Variants in SPON2 observed in about 807,000 individuals in gnomAD.
SPON2 encodes spondin-2.
SPON2 carries 32 observed loss-of-function variants against 29.9 expected under a neutral mutation model. That is an observed-to-expected ratio of 1.07 (90% confidence interval 0.81 to 1.44). The LOEUF is 1.44. SPON2 is among the 40% of genes most tolerant of loss of function. The probability of loss-of-function intolerance (pLI) is 0.00; values close to 1 mark genes in which losing one functional copy is unlikely to be tolerated. For synonymous variants in SPON2, 248 were observed against 209.1 expected, an observed-to-expected ratio of 1.19 and a Z score of -1.61; for missense variants, 541 against 455.5, an observed-to-expected ratio of 1.19 and a Z score of -1.71.
At chr4:1,193,592 C>T (rs770572315) in intron 1 of SPON2, among the ~76,000 whole-genome samples, 3 of 115,064 alleles carry the variant, frequency 2.6e-5, no homozygotes, top group Non-Finnish European at 5.3e-5. Flanking sequence ...GACCATGGGA[C>T]AAGAACGTGG....
chr4:1,204,703 G>C (rs1490365223), intron 1 of SPON2, among the ~76,000 whole-genome samples: 1 of 152,110 alleles, frequency 6.6e-6, no homozygotes, highest in Non-Finnish European at 1.5e-5. Flanking sequence ...TGTTTTAATT[G>C]GCCCCGCTGT....
At chr4:1,187,675 G>T (rs1727831253) in intron 1 of SPON2, among the ~76,000 whole-genome samples, 1 of 151,954 alleles carries the variant, frequency 6.6e-6, no homozygotes, top group Non-Finnish European at 1.5e-5. Flanking sequence ...TAATGTCAAT[G>T]GTATACAAAA....
chr4:1,200,664 A>T (rs1294784177), intron 1 of SPON2: 2 of 369,380 alleles, frequency 5.4e-6, no homozygotes, highest in East Asian at 1.5e-4. Flanking sequence ...CTGGGCAGCC[A>T]CTGCAGGCCA....
intron 1 of SPON2, chr4:1,200,877 CCCTGACCACTG>C (rs1432569869): frequency 1.8e-5 from 8 of 456,574 alleles, no homozygotes; most frequent in African/African-American, 1.6e-4. Flanking sequence ...CCAGGCCTGA[CCCTGACCACTG>C]ACTGAGCACC....
At chr4:1,185,708 C>CAAAAAAAACA (rs1553830767) in intron 1 of SPON2, among the ~76,000 whole-genome samples, 1 of 69,648 alleles carries the variant, frequency 1.4e-5, no homozygotes, top group Non-Finnish European at 2.7e-5. Context: ...ACTCCATCTC[C>CAAAAAAAACA]AAAAAAAAAA....
At chr4:1,191,396 C>T (rs942454716) in intron 1 of SPON2, among the ~76,000 whole-genome samples, 3 of 152,210 alleles carry the variant, frequency 2.0e-5, no homozygotes, top group African/African-American at 7.2e-5. Flanking sequence ...GCTCAGACAA[C>T]TGGACCTCCA....
intron 1 of SPON2, chr4:1,201,087 C>T (rs1197864203): frequency 2.2e-6 from 1 of 453,432 alleles, no homozygotes; most frequent in Non-Finnish European, 4.5e-6. Context: ...CTGGGGCGCC[C>T]ATGGATGCAC....
intron 2 of SPON2, among the ~76,000 whole-genome samples, chr4:1,179,069 C>A (rs1366529347): frequency 6.6e-6 from 1 of 152,202 alleles, no homozygotes; most frequent in African/African-American, 2.4e-5. Context: ...GGAGGACACC[C>A]AGAAGGAGGA....
chr4:1,176,196 C>A (rs551395743), upstream of SPON2, among the ~76,000 whole-genome samples: 1 of 152,050 alleles, frequency 6.6e-6, no homozygotes, highest in Admixed American at 6.5e-5. Flanking sequence ...TGCTGGAAAC[C>A]CCCCTGGCTC....
chr4:1,193,053 A>C (rs1371842927), intron 1 of SPON2, among the ~76,000 whole-genome samples: 1 of 152,186 alleles, frequency 6.6e-6, no homozygotes, highest in East Asian at 1.9e-4. Flanking sequence ...TGCATGCCAC[A>C]CACACGTGCA....
intron 1 of SPON2, among the ~76,000 whole-genome samples, chr4:1,180,225 A>C (rs1021170661): frequency 1.3e-5 from 2 of 152,328 alleles, no homozygotes; most frequent in Admixed American, 1.3e-4. Context: ...TAGAACCTCA[A>C]AACAAAAACT....
At chr4:1,171,225 G>A (rs930557622) in intron 3 of SPON2, 35 bp from the exon 4 acceptor site, 2 of 1,442,412 alleles carry the variant, frequency 1.4e-6, no homozygotes, top group Non-Finnish European at 1.8e-6. Context: ...CCTGGCCCCG[G>A]CCCCCCGGAC....
At chr4:1,201,562 A>G (rs532436802) in intron 1 of SPON2, 1 of 153,788 alleles carries the variant, frequency 6.5e-6, no homozygotes, top group East Asian at 1.9e-4. Context: ...GTCCGCGCGC[A>G]GTTTCTGGTT....
At chr4:1,201,148 C>T (rs1195100469) in intron 1 of SPON2, 1 of 455,646 alleles carries the variant, frequency 2.2e-6, no homozygotes, top group East Asian at 7.0e-5. Context: ...GACCCAGATT[C>T]CCTGCAGGCC....
chr4:1,184,766 T>C lies in SPON2; in HGVS notation c.-238-5225A>G, dbSNP rs575569835. ...TGGTCAACATAGTGAAACCCGTCTCTACTAAACAAAAATTTAAAAAATTAG... is the reference window on the plus strand; with the variant it reads ...TGGTCAACATAGTGAAACCCGTCTCCACTAAACAAAAATTTAAAAAATTAG... On this transcript the variant is annotated intron_variant, in intron 1 of 3. Coordinates refer to the SPON2 transcript ENST00000502483. 3.9e-5 allele frequency among the ~76,000 whole-genome samples: 6 copies of C among 151,932 alleles called. No individual in the cohort carries two copies. The East Asian group carries it at 1.2e-3, about 30-fold the overall frequency.
intron 1 of SPON2, among the ~76,000 whole-genome samples, chr4:1,205,393 C>A (rs1728316033): frequency 6.6e-6 from 1 of 152,230 alleles, no homozygotes; most frequent in Non-Finnish European, 1.5e-5. Flanking sequence ...CAGGGGCAAA[C>A]CCTGCCCCTC....
intron 1 of SPON2, 116 bp downstream of exon 1, chr4:1,172,428 C>G: frequency 2.6e-6 from 1 of 387,788 alleles, no homozygotes; most frequent in African/African-American, 2.1e-5. Flanking sequence ...ACCCTTAAAG[C>G]TCGGTCGCAG....
Position 1,202,571 on chromosome 4 carries a change from G to A in SPON2, c.-234+5309C>T, listed in dbSNP as rs1728239154. ...AGGGCTGGGCCCCCACGGCTTCTGT[G>A]GGCTCAGCCCACTCAGTGCTCATGG... is the stretch of plus-strand genomic sequence containing the variant. On this transcript the variant is annotated intron_variant, in intron 1 of 3. Coordinates refer to the SPON2 transcript ENST00000509233. This position sits in a 1 kb window ranked among gnomAD's most constrained non-coding sequence, Gnocchi z 5.4. Among the ~76,000 whole-genome samples, 1 of 151,946 alleles carries A rather than the reference G, an allele frequency of 6.6e-6. No individual in the cohort carries two copies. Among genetic ancestry groups the A allele is most frequent in the Non-Finnish European group, 1.5e-5 (1 of 67,966 alleles).
At position 1,171,159 on chromosome 4, in the gene SPON2, G is replaced by T. The variant is rs1381465806; in HGVS notation, c.476C>A (p.Pro159His). 1.9e-6 allele frequency: 3 copies of T among 1,550,940 alleles called. No individual in the cohort carries two copies. Among genetic ancestry groups the T allele is most frequent in the Non-Finnish European group, 2.6e-6 (3 of 1,148,870 alleles). ...VSFVVRIVPS[P>H]DWFVGVDSLD... ...GCTGTCCACGCCCACGAACCAGTCG[G>T]GGCTGGGCACGATGCGCACCACAAA... The change falls in exon 4 of 6, where the codon CCC becomes CAC. Residue 159 changes from proline to histidine, a missense_variant. By Grantham distance (77) the Pro-to-His change is moderately conservative (BLOSUM62 -2). Coordinates refer to ENST00000290902, the MANE Select transcript of SPON2 (RefSeq NM_012445.4).
Sources: allele counts gnomAD v4.1 joint callset (sites outside exome capture counted in the v4.1 genomes callset), GRCh38; gene constraint gnomAD v4.1.1; non-coding constraint Gnocchi (gnomAD v3.1); transcripts MANE v1.5; gene names NCBI Gene and HGNC (gene_info 2026-07-23, HGNC 2026-07-21).